The following E2F3 variants were observed in gnomAD, a reference collection of about 807,000 sequenced individuals.
E2F3 encodes the protein E2F transcription factor 3, also known as transcription factor E2F3.
A neutral mutation model predicts 44.4 loss-of-function variants in E2F3; 11 were observed. The ratio of observed to expected loss-of-function variants is 0.25; its 90% CI spans 0.16 to 0.41. The LOEUF (loss-of-function observed/expected upper bound fraction) is 0.41, where lower values mean the gene tolerates loss of function less well. Ranked by LOEUF, E2F3 falls within the 10% of genes least tolerant of loss-of-function variation. E2F3 has a pLI of 1.00. For missense variants in E2F3, 487 were observed against 583.6 expected (o/e 0.83, Z 1.70); for synonymous variants, 249 against 253.0 (o/e 0.98, Z 0.15).
At chr6:20,462,004 G>A (rs1761525494) in intron 1 of E2F3, among the ~76,000 whole-genome samples, 1 of 152,092 alleles carries the variant, frequency 6.6e-6, no homozygotes, top group Non-Finnish European at 1.5e-5. Context: ...CTCTGACTTC[G>A]TATTTTAATA....
chr6:20,402,632 C>T lies in E2F3; in HGVS notation c.393+7C>T, dbSNP rs1391238696. ...CGGCGGCGGCGGCCCTCCGGTAATA[C>T]CCTCCCTCCCCACCGTCCCCAGCCC... On this transcript the variant is annotated splice_region_variant and intron_variant, in intron 1 of 6. Transcript: ENST00000346618. This position sits in a 1 kb window ranked among gnomAD's most constrained non-coding sequence, Gnocchi z 5.6. 4.5e-6 allele frequency: 6 copies of T among 1,329,546 alleles called. No individual in the cohort carries two copies. Among genetic ancestry groups the T allele is most frequent in the Non-Finnish European group, 5.7e-6 (6 of 1,048,606 alleles). The allele number at this position is 1,329,546 out of a possible 1,614,324, so 82.4% of individuals were successfully genotyped here.
chr6:20,477,770 G>A (rs1009579205), intron 1 of E2F3, among the ~76,000 whole-genome samples: 1 of 152,160 alleles, frequency 6.6e-6, no homozygotes, highest in Non-Finnish European at 1.5e-5. Context: ...ATTCATTACT[G>A]GAAGTGGATC....
rs1762542478 is a variant in E2F3 at position 20,491,141 on chromosome 6, C to T, written c.*711C>T. ...AAGCTGTTGTGGATTTTCCTGTCTCCATGAACCACTCCCATTCCCCCGTCC... is the reference window on the plus strand; with the variant it reads ...AAGCTGTTGTGGATTTTCCTGTCTCTATGAACCACTCCCATTCCCCCGTCC... On this transcript the variant is annotated 3_prime_UTR_variant, in exon 7 of 7. Transcript: ENST00000346618. 4.3e-6 allele frequency: 1 copy of T among 232,164 alleles called. No individual in the cohort carries two copies. 14.4% of individuals were successfully genotyped at this position (232,164 alleles called of 1,614,324 possible).
intron 1 of E2F3, among the ~76,000 whole-genome samples, chr6:20,416,757 A>C (rs1285232928): frequency 6.6e-6 from 1 of 152,234 alleles, no homozygotes; most frequent in African/African-American, 2.4e-5. Flanking sequence ...ACTGGGCTGC[A>C]ATGTTATATG....
In E2F3 at chr6:20,485,095, C is replaced by T. The variant is rs564340259; in HGVS notation, c.885-1594C>T. 3.3e-4 allele frequency among the ~76,000 whole-genome samples: 50 copies of T among 152,078 alleles called. 1 individual carries two copies. The highest frequency in any genetic ancestry group is 1.2e-3 in the African/African-American group (50 of 41,452). ...ATACGTTATACTACCTGCTGAAATG[C>T]CTTCATTGGTTTGTTACTTGCTGTT... On this transcript the variant is annotated intron_variant, in intron 4 of 6. Coordinates refer to ENST00000346618, the MANE Select transcript of E2F3 (RefSeq NM_001949.5).
intron 1 of E2F3, among the ~76,000 whole-genome samples, chr6:20,472,078 A>C (rs1345630722): frequency 2.8e-5 from 4 of 143,444 alleles, no homozygotes; most frequent in Non-Finnish European, 4.6e-5. Flanking sequence ...ACTCACATCT[A>C]TCCCTTCTGC....
intron 1 of E2F3, chr6:20,403,543 G>A: frequency 9.4e-6 from 4 of 423,316 alleles, no homozygotes; most frequent in Non-Finnish European, 1.7e-5. Context: ...ACACGTGCGC[G>A]CAGGACGCGC....
chr6:20,480,025 C>T (rs1198171908), intron 2 of E2F3, 68 bp downstream of exon 2: 2 of 1,530,456 alleles, frequency 1.3e-6, no homozygotes, highest in South Asian at 1.2e-5. Flanking sequence ...AAGCTTATGG[C>T]CGGAAGGATG....
Position 20,421,011 on chromosome 6 carries a change from TCA to T in E2F3, c.393+18389_393+18390del, listed in dbSNP as rs376159941. ...TCCTTTGTTGTCATTTCAACATTGT[TCA>T]CAGTCATCTTCCATCTCAAGAAATC... is the stretch of plus-strand genomic sequence containing the variant. On this transcript the variant is annotated intron_variant, in intron 1 of 6. Transcript: ENST00000346618. Among the ~76,000 whole-genome samples the T allele has an allele frequency of 4.3e-4, 65 of 152,346 alleles. 1 individual carries two copies. The South Asian group carries it at 5.4e-3, about 13-fold the overall frequency.
chr6:20,450,441 T>C (rs1452871070), intron 1 of E2F3, among the ~76,000 whole-genome samples: 2 of 152,226 alleles, frequency 1.3e-5, no homozygotes, highest in African/African-American at 4.8e-5. Flanking sequence ...AAGTGTCTGC[T>C]CATGTCCTTT....
At chr6:20,439,324 T>G (rs1408771038) in intron 1 of E2F3, among the ~76,000 whole-genome samples, 2 of 152,236 alleles carry the variant, frequency 1.3e-5, no homozygotes, top group African/African-American at 2.4e-5. Flanking sequence ...AGTTCCAGAA[T>G]GTAAAGCAAC....
intron 1 of E2F3, among the ~76,000 whole-genome samples, chr6:20,479,427 CA>C (rs1461874461): frequency 6.6e-6 from 1 of 152,136 alleles, no homozygotes; most frequent in Non-Finnish European, 1.5e-5. Flanking sequence ...TTGGGGAGCA[CA>C]AGGAAGGGGG....
intron 1 of E2F3, among the ~76,000 whole-genome samples, chr6:20,414,207 C>G (rs1274646959): frequency 6.6e-6 from 1 of 152,208 alleles, no homozygotes; most frequent in Admixed American, 6.5e-5. Context: ...TTCACTTCTT[C>G]CTCTGTAATA....
At chr6:20,408,914 A>G (rs895204339) in intron 1 of E2F3, among the ~76,000 whole-genome samples, 4 of 152,212 alleles carry the variant, frequency 2.6e-5, no homozygotes, top group Non-Finnish European at 4.4e-5. Flanking sequence ...AATAGTTGGC[A>G]TTTACACTGG....
At position 20,405,729 on chromosome 6, in the gene E2F3, A is replaced by G. The variant is rs186363544; in HGVS notation, c.393+3104A>G. ...TCCCAGCTACTCAGGAGGCTGAGGC[A>G]GGAAAATCGCTTGACCCTGGGAAGC... On this transcript the variant is annotated intron_variant, in intron 1 of 6. Transcript: ENST00000346618. Among the ~76,000 whole-genome samples, 628 of 152,020 alleles carry G rather than the reference A, an allele frequency of 4.1e-3. 3 individuals are homozygous for G. The highest frequency in any genetic ancestry group is 7.0e-3 in the Non-Finnish European group (477 of 67,996).
chr6:20,488,427 T>A (rs1379150502), intron 6 of E2F3, among the ~76,000 whole-genome samples, 179 bp downstream of exon 6: 1 of 152,218 alleles, frequency 6.6e-6, no homozygotes, highest in African/African-American at 2.4e-5. Context: ...GAAAAACGGC[T>A]CCTTCACCCA....
At chr6:20,438,476 A>G (rs1228439976) in intron 1 of E2F3, among the ~76,000 whole-genome samples, 3 of 152,158 alleles carry the variant, frequency 2.0e-5, no homozygotes, top group Non-Finnish European at 4.4e-5. Flanking sequence ...GCAGTTTGTC[A>G]GTGTCTCGGC....
chr6:20,444,711 A>G (rs372291672), intron 1 of E2F3, among the ~76,000 whole-genome samples: 1 of 152,290 alleles, frequency 6.6e-6, no homozygotes, highest in East Asian at 1.9e-4. Flanking sequence ...ATGAAATGCT[A>G]TGTCAAAAAC....
intron 1 of E2F3, among the ~76,000 whole-genome samples, chr6:20,427,048 A>G (rs183431807): frequency 2.0e-5 from 3 of 152,308 alleles, no homozygotes; most frequent in Non-Finnish European, 4.4e-5. Context: ...ATGGGGTAAT[A>G]TATGTGTAAA....
Sources: gnomAD v4.1 joint callset for allele counts (sites outside exome capture counted in the v4.1 genomes callset) on GRCh38, gnomAD v4.1.1 for gene constraint, Gnocchi (gnomAD v3.1) non-coding constraint, MANE v1.5 for transcripts, NCBI Gene and HGNC (gene_info 2026-07-23, HGNC 2026-07-21) for gene names.